The following ARHGAP39 variants were observed in gnomAD, a reference collection of about 807,000 sequenced individuals.
ARHGAP39 encodes the protein rho GTPase-activating protein 39.
In ARHGAP39, 44 loss-of-function variants were observed where a neutral mutation model predicts 106.9. The ratio of observed to expected loss-of-function variants is 0.41; its 90% CI spans 0.32 to 0.53. ARHGAP39 has a LOEUF of 0.53. Ranked by LOEUF, ARHGAP39 falls within the 20% of genes least tolerant of loss-of-function variation. The pLI, the probability that ARHGAP39 is intolerant of heterozygous loss-of-function variation, is 0.21. For missense variants in ARHGAP39, 1,496 were observed against 1,577.3 expected, an observed-to-expected ratio of 0.95 and a Z score of 0.87; for synonymous variants, 768 against 693.2, an observed-to-expected ratio of 1.11 and a Z score of -1.69.
chr8:144,671,929 A>G lies in ARHGAP39; in HGVS notation c.-82+13757T>C. Among the ~76,000 whole-genome samples, 1 of 152,204 alleles carries G rather than the reference A, an allele frequency of 6.6e-6. No individual in the cohort carries two copies. The highest frequency in any genetic ancestry group is 2.1e-4 in the South Asian group (1 of 4,832). On this transcript the variant is annotated intron_variant, in intron 1 of 11. Transcript: ENST00000377307. This position sits in a 1 kb window ranked among gnomAD's most constrained non-coding sequence, Gnocchi z 4.5. ...TGGCAAACACAAGACCAGGTGTGAGAGCCCTGCCAGAGCAATGGAGACAGG... is the reference window on the plus strand; with the variant it reads ...TGGCAAACACAAGACCAGGTGTGAGGGCCCTGCCAGAGCAATGGAGACAGG...
chr8:144,648,599 C>T (rs1020413311), intron 1 of ARHGAP39, among the ~76,000 whole-genome samples: 1 of 152,198 alleles, frequency 6.6e-6, no homozygotes, highest in East Asian at 1.9e-4. Flanking sequence ...GCAAGTTCCA[C>T]TCAACAAGAA....
intron 6 of ARHGAP39, among the ~76,000 whole-genome samples, chr8:144,540,954 T>C (rs999136147): frequency 6.6e-6 from 1 of 152,178 alleles, no homozygotes; most frequent in Non-Finnish European, 1.5e-5. Context: ...TGGGTTCAAG[T>C]GATTCTCCTG....
At chr8:144,549,498 T>G (rs1275749998) in intron 4 of ARHGAP39, among the ~76,000 whole-genome samples, 2 of 152,240 alleles carry the variant, frequency 1.3e-5, no homozygotes, top group East Asian at 1.9e-4. Flanking sequence ...CACGTGGTTT[T>G]GTTTTGTTTT....
chr8:144,533,472 C>T (rs569754576), intron 8 of ARHGAP39, 147 bp from the exon 9 acceptor site: 362 of 820,928 alleles, frequency 4.4e-4, no homozygotes, highest in Non-Finnish European at 6.4e-4. Context: ...TGGTGTTTCC[C>T]CAGGCCACTG....
chr8:144,622,268 G>A (rs1453972080), intron 1 of ARHGAP39, among the ~76,000 whole-genome samples: 2 of 152,080 alleles, frequency 1.3e-5, no homozygotes, highest in East Asian at 1.9e-4. Context: ...AGGCTGAGGT[G>A]AGCTGCCTCT....
intron 1 of ARHGAP39, among the ~76,000 whole-genome samples, chr8:144,650,769 C>T (rs952663479): frequency 1.3e-5 from 2 of 152,112 alleles, no homozygotes; most frequent in Non-Finnish European, 2.9e-5. Context: ...ATAATAAGGG[C>T]CATCTGTGAC....
At chr8:144,563,458 G>C (rs931172177) in intron 3 of ARHGAP39, among the ~76,000 whole-genome samples, 1 of 152,044 alleles carries the variant, frequency 6.6e-6, no homozygotes, top group Non-Finnish European at 1.5e-5. Context: ...CTCTGCATGA[G>C]AAAAACCTCC....
At chr8:144,667,810 A>G (rs1383518835) in intron 1 of ARHGAP39, among the ~76,000 whole-genome samples, 1 of 152,232 alleles carries the variant, frequency 6.6e-6, no homozygotes, top group Admixed American at 6.5e-5. Flanking sequence ...GTTCTGAGGT[A>G]TAAATTATAT....
chr8:144,666,876 C>A (rs1245015419), intron 1 of ARHGAP39, among the ~76,000 whole-genome samples: 1 of 152,164 alleles, frequency 6.6e-6, no homozygotes. Flanking sequence ...CAGGCCTCTG[C>A]CCACCTCCCG....
chr8:144,600,616 G>C (rs1314284488), intron 2 of ARHGAP39, among the ~76,000 whole-genome samples: 5 of 149,452 alleles, frequency 3.3e-5, no homozygotes, highest in African/African-American at 1.2e-4. Flanking sequence ...GTGGAGGCGT[G>C]CGTGCGCACT....
intron 1 of ARHGAP39, among the ~76,000 whole-genome samples, chr8:144,658,255 G>A (rs2129674013): frequency 6.6e-6 from 1 of 150,886 alleles, no homozygotes; most frequent in South Asian, 2.1e-4. Flanking sequence ...AATTACAGGT[G>A]TCCACCACCA....
rs1000178055 is a variant in ARHGAP39, at chr8:144,671,566, C to G, written c.-82+14120G>C. Among the ~76,000 whole-genome samples the G allele has an allele frequency of 6.6e-6, 1 of 152,206 alleles. No individual in the cohort carries two copies. The highest frequency in any genetic ancestry group is 1.9e-4 in the East Asian group (1 of 5,190). On this transcript the variant is annotated intron_variant, in intron 1 of 11. Coordinates refer to ENST00000377307, the MANE Select transcript of ARHGAP39 (RefSeq NM_025251.3). This position sits in a 1 kb window ranked among gnomAD's most constrained non-coding sequence, Gnocchi z 4.5. ...GCCAACACTCCAGTCACAGAGCTGC[C>G]GGCTCCGGCCACACATCCCTCCCGC...
intron 2 of ARHGAP39, among the ~76,000 whole-genome samples, chr8:144,600,990 G>C (rs188684572): frequency 7.5e-6 from 1 of 132,992 alleles, no homozygotes; most frequent in Non-Finnish European, 1.6e-5. Flanking sequence ...GTGTGTGTGC[G>C]AGCTCATGTA....
Position 144,545,273 on chromosome 8 carries a change from T to A in ARHGAP39, c.2497A>T (p.Met833Leu). ...CCTTTAGTGTCATTGACGGGGTCCATGTGCCGGTAGATGTAGCCTTCCAGG... is the reference window on the plus strand; with the variant it reads ...CCTTTAGTGTCATTGACGGGGTCCAAGTGCCGGTAGATGTAGCCTTCCAGG... The part of the protein sequence containing the change: ...SYLEGYIYRH[M>L]DPVNDTKVTQ... The change falls in exon 6 of 12, where the codon ATG becomes TTG. Residue 833 changes from methionine (M) to leucine (L), a missense_variant. Met to Leu is a conservative substitution (Grantham distance 15). Transcript: ENST00000377307. 6.4e-7 allele frequency: 1 copy of A among 1,554,582 alleles called. No individual in the cohort carries two copies. The highest frequency in any genetic ancestry group is 1.4e-5 in the African/African-American group (1 of 73,248).
chr8:144,696,149 T>C, the ARHGAP39 span, among the ~76,000 whole-genome samples: 1 of 147,212 alleles, frequency 6.8e-6, no homozygotes, highest in Non-Finnish European at 1.5e-5. Context: ...CCCAGTTAAA[T>C]TTTTTTTTTA....
intron 1 of ARHGAP39, among the ~76,000 whole-genome samples, chr8:144,656,807 C>CAAAAAAAAAAAAAAAAAAAAAAAAA: frequency 2.4e-5 from 1 of 42,346 alleles, no homozygotes; most frequent in Non-Finnish European, 4.1e-5. Context: ...GACTCCATCT[C>CAAAAAAAAAAAAAAAAAAAAAAAAA]AAAAAAAAAA....
intron 5 of ARHGAP39, among the ~76,000 whole-genome samples, chr8:144,546,083 A>G (rs60521567): frequency 0.027 from 4,113 of 152,256 alleles, 170 homozygotes; most frequent in African/African-American, 0.094. Flanking sequence ...GCTGAGGGTG[A>G]GGCGGGAGGA....
chr8:144,676,558 G>A (rs1175426997), intron 1 of ARHGAP39, among the ~76,000 whole-genome samples: 1 of 152,246 alleles, frequency 6.6e-6, no homozygotes, highest in Non-Finnish European at 1.5e-5. Context: ...GCTGATTGGT[G>A]TGTTTACAAA....
chr8:144,619,305 G>A (rs1398100375), intron 1 of ARHGAP39, among the ~76,000 whole-genome samples: 1 of 152,372 alleles, frequency 6.6e-6, no homozygotes, highest in East Asian at 1.9e-4. Context: ...GAGGCCCCTC[G>A]CTCCGAGAAG....
Sources: gnomAD v4.1 joint callset for allele counts (sites outside exome capture counted in the v4.1 genomes callset) on GRCh38, gnomAD v4.1.1 for gene constraint, Gnocchi (gnomAD v3.1) non-coding constraint, MANE v1.5 for transcripts, NCBI Gene and HGNC (gene_info 2026-07-23, HGNC 2026-07-21) for gene names.